Variants in AMBRA1 observed in about 807,000 individuals in gnomAD.
AMBRA1 encodes the protein activating molecule in BECN1-regulated autophagy protein 1.
AMBRA1 carries 47 observed loss-of-function variants against 125.4 expected under a neutral mutation model. The ratio of observed to expected loss-of-function variants is 0.37; its 90% CI spans 0.30 to 0.48. AMBRA1 has a LOEUF of 0.48. Among genes scored for constraint, AMBRA1 ranks in the 20% least tolerant of loss-of-function variants. The probability of loss-of-function intolerance (pLI) is 0.99; values close to 1 mark genes in which losing one functional copy is unlikely to be tolerated. For synonymous variants in AMBRA1, 626 were observed against 655.5 expected (o/e 0.95, Z 0.69); for missense variants, 1,331 against 1,693.4 (o/e 0.79, Z 3.76).
intron 7 of AMBRA1, among the ~76,000 whole-genome samples, chr11:46,535,885 C>T (rs1952454300): frequency 1.3e-5 from 2 of 152,100 alleles, no homozygotes; most frequent in South Asian, 4.1e-4. Flanking sequence ...CACATATTGG[C>T]CAGGTGCAAC....
chr11:46,588,342 A>C (rs2044473371), intron 1 of AMBRA1, among the ~76,000 whole-genome samples: 1 of 152,196 alleles, frequency 6.6e-6, no homozygotes, highest in African/African-American at 2.4e-5. Flanking sequence ...AAAAAAAATA[A>C]ACAGAAAGTA....
chr11:46,401,651 C>G (rs1945766134), intron 17 of AMBRA1, among the ~76,000 whole-genome samples: 1 of 152,200 alleles, frequency 6.6e-6, no homozygotes, highest in African/African-American at 2.4e-5. Flanking sequence ...CTGCGGGAGG[C>G]CCTGCTGCTG....
At chr11:46,485,509 T>C (rs970965555) in intron 11 of AMBRA1, among the ~76,000 whole-genome samples, 1 of 152,214 alleles carries the variant, frequency 6.6e-6, no homozygotes, top group Non-Finnish European at 1.5e-5. Context: ...AGTAAATTTT[T>C]AGTGGCAGGG....
intron 11 of AMBRA1, among the ~76,000 whole-genome samples, chr11:46,462,123 A>G (rs1949117307): frequency 6.6e-6 from 1 of 152,226 alleles, no homozygotes; most frequent in African/African-American, 2.4e-5. Context: ...ATTAAAATGT[A>G]TTTTGGTGTT....
chr11:46,547,218 C>T lies in AMBRA1; in HGVS notation c.273G>A (p.Leu91=), dbSNP rs1002237661. 3 of 1,613,958 alleles carry T rather than the reference C, an allele frequency of 1.9e-6. No homozygotes were observed. The African/African-American group carries it at 4.0e-5, about 22-fold the overall frequency. The change falls in exon 4 of 18, where the codon CTG becomes CTA. Residue 91 remains leucine (L), a synonymous_variant. Coordinates refer to ENST00000683756, the MANE Select transcript of AMBRA1 (RefSeq NM_001387011.1). Reference sequence around the variant, plus strand: ...ACCATGGAGTACGGCGGTGTCCAATCAGGGAATGAACACACTTGCCAGTCT... The same window carrying T: ...ACCATGGAGTACGGCGGTGTCCAATTAGGGAATGAACACACTTGCCAGTCT... ...EVKTGKCVHS[L]IGHRRTPWCV...
chr11:46,567,607 C>T (rs113705973), intron 1 of AMBRA1, among the ~76,000 whole-genome samples: 1,882 of 152,040 alleles, frequency 0.012, 46 homozygotes, highest in African/African-American at 0.043. Context: ...GTGATTCGCC[C>T]GCCTCAGCCT....
chr11:46,457,869 G>A (rs1484861526), intron 11 of AMBRA1, among the ~76,000 whole-genome samples: 4 of 147,816 alleles, frequency 2.7e-5, no homozygotes, highest in African/African-American at 1.0e-4. Context: ...TTGCGCCACT[G>A]CACTCCAGCC....
chr11:46,552,014 T>C (rs1591102065), intron 1 of AMBRA1, among the ~76,000 whole-genome samples: 1 of 148,150 alleles, frequency 6.7e-6, no homozygotes, highest in East Asian at 2.0e-4. Context: ...GGTGACAGAG[T>C]GAAACTCCAT....
chr11:46,591,603 T>A (rs1324862550), intron 1 of AMBRA1, among the ~76,000 whole-genome samples: 1 of 152,048 alleles, frequency 6.6e-6, no homozygotes, highest in Non-Finnish European at 1.5e-5. Context: ...ATACCTGTAA[T>A]CCCAGCACTT....
At chr11:46,437,789 T>C (rs1389888865) in intron 12 of AMBRA1, among the ~76,000 whole-genome samples, 2 of 152,202 alleles carry the variant, frequency 1.3e-5, no homozygotes, top group Non-Finnish European at 2.9e-5. Flanking sequence ...TAACTCATCC[T>C]TTTTGGATTC....
chr11:46,468,302 T>C (rs748418548), intron 11 of AMBRA1, among the ~76,000 whole-genome samples: 1 of 150,264 alleles, frequency 6.7e-6, no homozygotes, highest in Non-Finnish European at 1.5e-5. Context: ...CCTTAGGAGG[T>C]GCCAAGGCAG....
intron 2 of AMBRA1, 140 bp downstream of exon 2, chr11:46,548,106 C>T: frequency 7.5e-7 from 1 of 1,338,098 alleles, no homozygotes; most frequent in South Asian, 1.4e-5. Flanking sequence ...TTCAAATTTA[C>T]AAACAACTCC....
At chr11:46,548,202 A>C in intron 2 of AMBRA1, 44 bp downstream of exon 2, 1 of 1,612,820 alleles carries the variant, frequency 6.2e-7, no homozygotes, top group Non-Finnish European at 8.5e-7. Context: ...TCATTCTACC[A>C]TCACCAGCAC....
At chr11:46,529,340 T>C (rs1441769514) in intron 7 of AMBRA1, among the ~76,000 whole-genome samples, 1 of 152,212 alleles carries the variant, frequency 6.6e-6, no homozygotes, top group East Asian at 1.9e-4. Flanking sequence ...TTGTTAATTG[T>C]TGCTATTTAA....
intron 1 of AMBRA1, among the ~76,000 whole-genome samples, chr11:46,590,715 A>G (rs1275350854): frequency 6.6e-6 from 1 of 152,056 alleles, no homozygotes; most frequent in Non-Finnish European, 1.5e-5. Flanking sequence ...ACAGAACACC[A>G]CAAGATTTAA....
At chr11:46,468,500 A>C (rs1447387820) in intron 11 of AMBRA1, among the ~76,000 whole-genome samples, 3 of 152,016 alleles carry the variant, frequency 2.0e-5, no homozygotes, top group African/African-American at 7.2e-5. Flanking sequence ...ATCACTCTTA[A>C]AGAAAAGGAA....
chr11:46,573,245 A>G (rs1219057469), intron 1 of AMBRA1, among the ~76,000 whole-genome samples: 1 of 151,796 alleles, frequency 6.6e-6, no homozygotes, highest in East Asian at 1.9e-4. Context: ...TCTCTACTCA[A>G]AATACAAAAA....
intron 1 of AMBRA1, among the ~76,000 whole-genome samples, chr11:46,570,421 T>TCCCATGTA (rs747021965): frequency 2.6e-4 from 40 of 152,140 alleles, no homozygotes; most frequent in Non-Finnish European, 2.4e-4. Context: ...GAGATAATTC[T>TCCCATGTA]CCCATGTATA....
At chr11:46,512,696 C>G (rs182847518) in intron 8 of AMBRA1, 31 bp downstream of exon 8, 11 of 1,602,316 alleles carry the variant, frequency 6.9e-6, no homozygotes, top group South Asian at 1.1e-5. Context: ...CCCCTCCCCC[C>G]ACCTAGTGCC....
Sources: gnomAD v4.1 joint callset for allele counts (sites outside exome capture counted in the v4.1 genomes callset) on GRCh38, gnomAD v4.1.1 for gene constraint, MANE v1.5 for transcripts, NCBI Gene and HGNC (gene_info 2026-07-23, HGNC 2026-07-21) for gene names.